Variants in ABCA13 observed in about 807,000 individuals in gnomAD.
The protein encoded by ABCA13 is ATP-binding cassette sub-family A member 13.
Under a neutral mutation model 478.7 loss-of-function variants are expected in ABCA13, and 476 were observed. The observed-to-expected ratio is 0.99, with a 90% CI of 0.92 to 1.07. The LOEUF is 1.07. Among genes scored for constraint, ABCA13 ranks in the 50% least tolerant of loss-of-function variants. ABCA13 has a pLI of 0.00. For missense variants in ABCA13, 6,060 were observed against 5,910.6 expected, an observed-to-expected ratio of 1.03 and a Z score of -0.83; for synonymous variants, 2,252 against 2,158.9, an observed-to-expected ratio of 1.04 and a Z score of -1.20.
intron 43 of ABCA13, among the ~76,000 whole-genome samples, 176 bp downstream of exon 43, chr7:48,455,462 G>A (rs1825561071): frequency 6.6e-6 from 1 of 152,336 alleles, no homozygotes; most frequent in Non-Finnish European, 1.5e-5. Flanking sequence ...CTCTCAGGCT[G>A]TCTCAGGGCA....
intron 58 of ABCA13, among the ~76,000 whole-genome samples, chr7:48,600,546 A>G (rs1790781382): frequency 6.6e-6 from 1 of 152,024 alleles, no homozygotes; most frequent in Admixed American, 6.6e-5. Context: ...AGTATACTGT[A>G]TTTAATGTTT....
At chr7:48,405,397 C>G (rs1047617673) in intron 39 of ABCA13, among the ~76,000 whole-genome samples, 1 of 152,216 alleles carries the variant, frequency 6.6e-6, no homozygotes, top group Admixed American at 6.5e-5. Context: ...AACCCTTCCC[C>G]GTTGCCACAA....
At chr7:48,425,652 G>A (rs1821294483) in intron 41 of ABCA13, among the ~76,000 whole-genome samples, 2 of 152,142 alleles carry the variant, frequency 1.3e-5, no homozygotes, top group South Asian at 4.1e-4. Flanking sequence ...GACATTGCCA[G>A]CATGCTACAT....
Position 48,198,292 on chromosome 7 carries a change from C to A in ABCA13, c.219C>A (p.Ser73Arg). The change falls in exon 3 of 62, where the codon AGC becomes AGA. Residue 73 changes from serine to arginine, a missense_variant. This residue lies in a region of ABCA13 where 4,423 missense variants were observed against 4,309.1 expected (regional missense o/e 1.03). Coordinates refer to ENST00000435803, the MANE Select transcript of ABCA13 (RefSeq NM_152701.5). ...PSCGVIPFVQ[S>R]LLCNTGSRCR... is the part of the protein sequence containing the mutation. ...GTGGTGTTATCCCCTTTGTTCAAAGCCTTCTTTGTAACACTGGATCAAGGT... is the reference window on the plus strand; with the variant it reads ...GTGGTGTTATCCCCTTTGTTCAAAGACTTCTTTGTAACACTGGATCAAGGT... The A allele has an allele frequency of 6.2e-7, 1 of 1,613,660 alleles. No individual in the cohort carries two copies. Among genetic ancestry groups the A allele is most frequent in the Non-Finnish European group, 8.5e-7 (1 of 1,179,776 alleles).
chr7:48,405,471 G>T (rs1818142044), intron 39 of ABCA13, among the ~76,000 whole-genome samples: 1 of 152,228 alleles, frequency 6.6e-6, no homozygotes, highest in South Asian at 2.1e-4. Flanking sequence ...AGAAAGGGCA[G>T]ACATGGGATA....
chr7:48,382,005 T>C (rs1423687007), intron 35 of ABCA13, among the ~76,000 whole-genome samples: 4 of 152,028 alleles, frequency 2.6e-5, no homozygotes, highest in African/African-American at 9.7e-5. Flanking sequence ...AATTAGGGGG[T>C]TTTAAAAGTC....
Position 48,594,800 on chromosome 7 carries a change from C to T in ABCA13, c.14731C>T (p.Leu4911=). 1 of 1,613,812 alleles carries T rather than the reference C, an allele frequency of 6.2e-7. No individual in the cohort carries two copies. Among genetic ancestry groups the T allele is most frequent in the Non-Finnish European group, 8.5e-7 (1 of 1,179,712 alleles). The change falls in exon 58 of 62, where the codon CTG becomes TTG. Residue 4911 remains leucine (L), a synonymous_variant. Transcript: ENST00000435803. Reference sequence around the variant, plus strand: ...GGTTCGGGAAGGCTGTGCTGCGGTGCTGACCTCCCACAGGTGAGTTCCAGT... The same window carrying T: ...GGTTCGGGAAGGCTGTGCTGCGGTGTTGACCTCCCACAGGTGAGTTCCAGT... ...KEVREGCAAV[L]TSHSMEECEA... is the part of the protein sequence containing the mutation.
intron 42 of ABCA13, among the ~76,000 whole-genome samples, chr7:48,430,016 T>C (rs552543231): frequency 1.3e-5 from 2 of 152,302 alleles, no homozygotes; most frequent in African/African-American, 4.8e-5. Context: ...GCAGTGTCTT[T>C]GGCGCTGTTA....
At position 48,499,692 on chromosome 7, in the gene ABCA13, G is replaced by C. The variant is rs114454546; in HGVS notation, c.13292-6644G>C. On this transcript the variant is annotated intron_variant, in intron 48 of 61. Transcript: ENST00000435803. Reference sequence around the variant, plus strand: ...TCAAACAAAGAAAAATTATTCAAATGTACTCAACATGTACATTTTGAAACG... The same window carrying C: ...TCAAACAAAGAAAAATTATTCAAATCTACTCAACATGTACATTTTGAAACG... Among the ~76,000 whole-genome samples the C allele has an allele frequency of 3.0e-3, 462 of 152,292 alleles. 4 individuals are homozygous for C. The highest frequency in any genetic ancestry group is 0.01 in the African/African-American group (419 of 41,560).
chr7:48,308,953 A>G (rs373024747), intron 23 of ABCA13, among the ~76,000 whole-genome samples: 3 of 144,920 alleles, frequency 2.1e-5, no homozygotes, highest in Admixed American at 7.2e-5. Flanking sequence ...GTAAGTGCAC[A>G]CTATGATGTT....
At chr7:48,476,509 C>A (rs1241881384) in intron 45 of ABCA13, among the ~76,000 whole-genome samples, 3 of 150,472 alleles carry the variant, frequency 2.0e-5, no homozygotes, top group African/African-American at 4.9e-5. Context: ...GCAGAAGAGG[C>A]AGGGGTGGTA....
intron 27 of ABCA13, among the ~76,000 whole-genome samples, chr7:48,318,775 C>T (rs1201100526): frequency 6.6e-6 from 1 of 151,760 alleles, no homozygotes; most frequent in Non-Finnish European, 1.5e-5. Context: ...AGGAATTTCA[C>T]AGAAAATGGC....
At chr7:48,311,923 G>T (rs927394808) in intron 24 of ABCA13, among the ~76,000 whole-genome samples, 1 of 152,146 alleles carries the variant, frequency 6.6e-6, no homozygotes, top group African/African-American at 2.4e-5. Flanking sequence ...GTCTCTTGGA[G>T]CTGCGCTGGA....
chr7:48,244,912 A>AGAGC (rs1179920993), intron 11 of ABCA13, among the ~76,000 whole-genome samples: 2 of 152,188 alleles, frequency 1.3e-5, no homozygotes, highest in Non-Finnish European at 2.9e-5. Context: ...GGCACAGTGA[A>AGAGC]GAGCGCATCC....
chr7:48,414,668 G>A (rs1439418623), intron 41 of ABCA13, among the ~76,000 whole-genome samples: 2 of 151,470 alleles, frequency 1.3e-5, no homozygotes, highest in Admixed American at 1.3e-4. Flanking sequence ...GGGTTTCGTT[G>A]TGTTGCTCAG....
At chr7:48,329,767 A>G (rs1003164243) in intron 27 of ABCA13, among the ~76,000 whole-genome samples, 4 of 151,804 alleles carry the variant, frequency 2.6e-5, no homozygotes, top group African/African-American at 4.8e-5. Flanking sequence ...CCATTCATCT[A>G]TGCAATCATC....
At chr7:48,584,054 A>C (rs1234054424) in intron 56 of ABCA13, among the ~76,000 whole-genome samples, 1 of 152,222 alleles carries the variant, frequency 6.6e-6, no homozygotes, top group Non-Finnish European at 1.5e-5. Context: ...AAGTTTATTC[A>C]AAATGTAACT....
At chr7:48,629,223 G>A (rs574213202) in intron 59 of ABCA13, among the ~76,000 whole-genome samples, 5 of 152,278 alleles carry the variant, frequency 3.3e-5, no homozygotes, top group African/African-American at 1.2e-4. Context: ...ACACCGGCTT[G>A]CCAAGAATTA....
chr7:48,643,233 A>G, intron 59 of ABCA13, 55 bp from the exon 60 acceptor site: 2 of 1,142,674 alleles, frequency 1.8e-6, no homozygotes, highest in Non-Finnish European at 1.3e-6. Flanking sequence ...CTTAGAATTT[A>G]CTCATCTTAG....
Sources: gnomAD v4.1 joint callset for allele counts (sites outside exome capture counted in the v4.1 genomes callset) on GRCh38, gnomAD v4.1.1 for gene constraint, gnomAD v4.1.1 regional missense constraint, MANE v1.5 for transcripts, NCBI Gene and HGNC (gene_info 2026-07-23, HGNC 2026-07-21) for gene names.